Variants in KIAA1549L observed in about 807,000 individuals in gnomAD.
KIAA1549L encodes the protein KIAA1549 like.
In KIAA1549L, 88 loss-of-function variants were observed where a neutral mutation model predicts 160.7. The ratio of observed to expected loss-of-function variants is 0.55; its 90% CI spans 0.46 to 0.65. The LOEUF (loss-of-function observed/expected upper bound fraction) is 0.65. Among genes scored for constraint, KIAA1549L ranks in the 30% least tolerant of loss-of-function variants. The pLI, the probability that KIAA1549L is intolerant of heterozygous loss-of-function variation, is 0.00. For synonymous variants in KIAA1549L, 950 were observed against 976.7 expected (o/e 0.97, Z 0.51); for missense variants, 2,258 against 2,437.5 (o/e 0.93, Z 1.55).
At chr11:33,628,795 A>T (rs1361008243) in intron 16 of KIAA1549L, among the ~76,000 whole-genome samples, 2 of 150,746 alleles carry the variant, frequency 1.3e-5, no homozygotes, top group Non-Finnish European at 2.9e-5. Context: ...ACTTAAAGTT[A>T]ATATTGTTAT....
chr11:33,622,014 G>A (rs1850971007), intron 16 of KIAA1549L, among the ~76,000 whole-genome samples: 1 of 152,200 alleles, frequency 6.6e-6, no homozygotes, highest in Admixed American at 6.5e-5. Flanking sequence ...CCATGCACTG[G>A]AGGTAGTTGC....
intron 16 of KIAA1549L, among the ~76,000 whole-genome samples, chr11:33,641,027 G>A (rs1472070935): frequency 2.6e-5 from 4 of 152,182 alleles, no homozygotes; most frequent in Non-Finnish European, 5.9e-5. Context: ...AAAGCAAAAG[G>A]CATTTTCAGA....
intron 1 of KIAA1549L, among the ~76,000 whole-genome samples, chr11:33,514,795 C>T (rs1853307298): frequency 6.6e-6 from 1 of 152,160 alleles, no homozygotes; most frequent in African/African-American, 2.4e-5. Flanking sequence ...TTTTGCAGCC[C>T]AGACTCTAGG....
At chr11:33,662,256 A>G (rs1284975698) in intron 20 of KIAA1549L, among the ~76,000 whole-genome samples, 1 of 151,950 alleles carries the variant, frequency 6.6e-6, no homozygotes, top group Non-Finnish European at 1.5e-5. Context: ...TCTAGTGGCC[A>G]CTCAATATTG....
At chr11:33,429,613 C>G (rs939774346) in intron 1 of KIAA1549L, among the ~76,000 whole-genome samples, 1 of 152,190 alleles carries the variant, frequency 6.6e-6, no homozygotes, top group Non-Finnish European at 1.5e-5. Flanking sequence ...TTCTCAGTCT[C>G]CTTTGTGGAT....
Position 33,618,624 on chromosome 11 carries a change from G to T in KIAA1549L, c.5371G>T (p.Glu1791Ter). Reference sequence around the variant, plus strand: ...CGAGATGGACCTTCTGGTGACTCGGGAGCGACCCCGGCGTGGAATCCGCAA... The same window carrying T: ...CGAGATGGACCTTCTGGTGACTCGGTAGCGACCCCGGCGTGGAATCCGCAA... The part of the protein sequence containing the change: ...ETEMDLLVTR[E>*]RPRRGIRNSG... The change falls in exon 16 of 21, where the codon GAG becomes TAG. Residue 1791 changes from glutamate (E) to a stop codon, truncating the protein, a stop_gained. Transcript: ENST00000658780. LOFTEE classifies it high-confidence loss of function. The T allele has an allele frequency of 6.2e-7, 1 of 1,604,596 alleles. No homozygotes were observed. Among genetic ancestry groups the T allele is most frequent in the African/African-American group, 1.3e-5 (1 of 74,910 alleles).
At chr11:33,551,315 C>G in intron 5 of KIAA1549L, 56 bp downstream of exon 5, 2 of 1,430,286 alleles carry the variant, frequency 1.4e-6, no homozygotes, top group South Asian at 2.4e-5. Flanking sequence ...GGGCCAGTAC[C>G]AAGTGGACAC....
intron 1 of KIAA1549L, among the ~76,000 whole-genome samples, chr11:33,413,099 A>G (rs1850815740): frequency 6.6e-6 from 1 of 152,118 alleles, no homozygotes; most frequent in South Asian, 2.1e-4. Context: ...ACTTAAAAGC[A>G]TTTTACTTTC....
At chr11:33,478,845 A>G (rs947384613) in intron 1 of KIAA1549L, among the ~76,000 whole-genome samples, 4 of 152,132 alleles carry the variant, frequency 2.6e-5, no homozygotes. Context: ...GTTGGCCAGG[A>G]TGGTCTCGAT....
chr11:33,595,655 A>AT lies in KIAA1549L; in HGVS notation c.4752-3165_4752-3164insT, dbSNP rs760637997. On this transcript the variant is annotated intron_variant, in intron 12 of 20. Transcript: ENST00000658780. Reference sequence around the variant, plus strand: ...CATGGGAGTCTCTGATCATTTGAAAAGATTTTCAAAACATCAAAGTCAAGA... The same window carrying AT: ...CATGGGAGTCTCTGATCATTTGAAAATGATTTTCAAAACATCAAAGTCAAGA... Among the ~76,000 whole-genome samples, 263 of 152,338 alleles carry AT rather than the reference A, an allele frequency of 1.7e-3. 1 individual carries two copies. The highest frequency in any genetic ancestry group is 2.7e-3 in the Non-Finnish European group (183 of 68,026).
chr11:33,406,550 C>A (rs74961434), intron 1 of KIAA1549L, among the ~76,000 whole-genome samples: 43 of 152,336 alleles, frequency 2.8e-4, no homozygotes, highest in Middle Eastern at 3.4e-3. Flanking sequence ...CAAACTACCC[C>A]CTTTGCTTAT....
At chr11:33,491,383 TGTAGG>T (rs1168852702) in intron 1 of KIAA1549L, among the ~76,000 whole-genome samples, 1 of 152,106 alleles carries the variant, frequency 6.6e-6, no homozygotes, top group Non-Finnish European at 1.5e-5. Flanking sequence ...CATAGGAAAT[TGTAGG>T]GCTAACGTTA....
Position 33,591,436 on chromosome 11 carries a change from G to C in KIAA1549L, c.4751+15G>C. ...ACCAGGAAGAGGTAGGCACGGGGCT[G>C]ACTTCTGCCTCTCTGTGTCAGCAAG... On this transcript the variant is annotated intron_variant, in intron 12 of 20. Transcript: ENST00000658780. 6.3e-7 allele frequency: 1 copy of C among 1,577,812 alleles called. No individual in the cohort carries two copies. The highest frequency in any genetic ancestry group is 1.1e-5 in the South Asian group (1 of 88,036).
At chr11:33,512,330 C>G (rs1450851648) in intron 1 of KIAA1549L, among the ~76,000 whole-genome samples, 1 of 152,178 alleles carries the variant, frequency 6.6e-6, no homozygotes, top group Non-Finnish European at 1.5e-5. Context: ...TTTTAATTGG[C>G]TGACATTTAA....
intron 18 of KIAA1549L, 148 bp from the exon 19 acceptor site, chr11:33,658,602 T>A: frequency 1.4e-6 from 1 of 734,590 alleles, no homozygotes; most frequent in Non-Finnish European, 2.2e-6. Flanking sequence ...GAAGTCCGTT[T>A]GTTATCTGGG....
chr11:33,381,070 G>A (rs1443875179), intron 1 of KIAA1549L, among the ~76,000 whole-genome samples: 2 of 151,918 alleles, frequency 1.3e-5, no homozygotes, highest in Non-Finnish European at 2.9e-5. Context: ...GCCCAGTGCC[G>A]TCCAAACTTG....
chr11:33,445,523 G>A (rs914450208), intron 1 of KIAA1549L, among the ~76,000 whole-genome samples: 3 of 152,132 alleles, frequency 2.0e-5, no homozygotes, highest in Admixed American at 6.5e-5. Context: ...ATATTTTTGG[G>A]GCATTGTGTC....
intron 9 of KIAA1549L, among the ~76,000 whole-genome samples, chr11:33,569,396 A>G (rs1590352726): frequency 6.6e-6 from 1 of 152,110 alleles, no homozygotes; most frequent in Non-Finnish European, 1.5e-5. Context: ...GGGACTTCCT[A>G]CCTGGAATTG....
chr11:33,621,176 A>C (rs1387908122), intron 16 of KIAA1549L, among the ~76,000 whole-genome samples: 1 of 152,238 alleles, frequency 6.6e-6, no homozygotes, highest in East Asian at 1.9e-4. Context: ...TAAATGCATA[A>C]ATAAGCAAAT....
Sources: gnomAD v4.1 joint callset for allele counts (sites outside exome capture counted in the v4.1 genomes callset) on GRCh38, gnomAD v4.1.1 for gene constraint, MANE v1.5 for transcripts, NCBI Gene and HGNC (gene_info 2026-07-23, HGNC 2026-07-21) for gene names.